Variants in TUSC3 observed in about 807,000 individuals in gnomAD.
The protein encoded by TUSC3 is dolichyl-diphosphooligosaccharide--protein glycosyltransferase subunit TUSC3.
A neutral mutation model predicts 44.8 loss-of-function variants in TUSC3; 45 were observed. The observed-to-expected ratio is 1.00, with a 90% confidence interval of 0.79 to 1.29. The LOEUF (loss-of-function observed/expected upper bound fraction) is 1.29. TUSC3 is among the 50% of genes most tolerant of loss of function. TUSC3 has a pLI of 0.00. For synonymous variants in TUSC3, 212 were observed against 152.9 expected, an observed-to-expected ratio of 1.39 and a Z score of -2.85; for missense variants, 519 against 437.9, an observed-to-expected ratio of 1.19 and a Z score of -1.65.
the TUSC3 span, among the ~76,000 whole-genome samples, chr8:15,792,281 G>C: frequency 6.6e-6 from 1 of 152,188 alleles, no homozygotes; most frequent in African/African-American, 2.4e-5. Context: ...GTTAGAAACA[G>C]GTAACATCAA....
At chr8:15,733,128 A>C (rs896854795) in intron 7 of TUSC3, among the ~76,000 whole-genome samples, 7 of 152,160 alleles carry the variant, frequency 4.6e-5, no homozygotes, top group Admixed American at 3.9e-4. Flanking sequence ...TGCACATCAG[A>C]GGTGCCTTCG....
intron 1 of TUSC3, among the ~76,000 whole-genome samples, chr8:15,573,331 C>T (rs2129144043): frequency 6.6e-6 from 1 of 150,940 alleles, no homozygotes; most frequent in East Asian, 2.0e-4. Context: ...AATCCACATC[C>T]AGGGTAATTA....
the TUSC3 span, among the ~76,000 whole-genome samples, chr8:15,780,740 G>T: frequency 6.6e-6 from 1 of 152,132 alleles, no homozygotes; most frequent in Non-Finnish European, 1.5e-5. Flanking sequence ...CCTCCTGGAA[G>T]AAGTTTGTGT....
the TUSC3 span, among the ~76,000 whole-genome samples, chr8:15,808,844 C>CCTA: frequency 7.0e-6 from 1 of 143,604 alleles, no homozygotes; most frequent in Non-Finnish European, 1.5e-5. Context: ...AGCTCCTCAA[C>CCTA]CTACACAGGT....
chr8:15,512,766 C>G (rs939856833), intron 2 of TUSC3, among the ~76,000 whole-genome samples: 9 of 77,874 alleles, frequency 1.2e-4, no homozygotes, highest in African/African-American at 2.7e-4. Context: ...GAACAAGACT[C>G]TGTTTCAGTC....
intron 6 of TUSC3, among the ~76,000 whole-genome samples, chr8:15,723,624 G>C (rs1810389808): frequency 6.6e-6 from 1 of 151,972 alleles, no homozygotes; most frequent in South Asian, 2.1e-4. Flanking sequence ...AAGAACTAAT[G>C]CTGCCTCAAA....
the TUSC3 span, chr8:15,806,498 A>T: frequency 9.4e-7 from 1 of 1,064,622 alleles, no homozygotes. Flanking sequence ...TTCATTGTAA[A>T]CTTTCTCAGG....
At chr8:15,635,122 T>A (rs543673773) in intron 2 of TUSC3, among the ~76,000 whole-genome samples, 22 of 152,162 alleles carry the variant, frequency 1.4e-4, no homozygotes, top group African/African-American at 5.3e-4. Context: ...TTCCTCAAGG[T>A]AACTGTCAAG....
intron 1 of TUSC3, among the ~76,000 whole-genome samples, chr8:15,454,899 A>G (rs1363610264): frequency 4.5e-5 from 6 of 131,934 alleles, no homozygotes; most frequent in Admixed American, 1.5e-4. Flanking sequence ...CACGTAAAGT[A>G]TATCAGTTTA....
chr8:15,593,177 C>T (rs974384204), intron 1 of TUSC3, among the ~76,000 whole-genome samples: 5 of 152,122 alleles, frequency 3.3e-5, no homozygotes, highest in African/African-American at 9.7e-5. Context: ...CCTCCGCCTT[C>T]TGGGTTCAAG....
At chr8:15,612,220 A>T (rs1020624742) in intron 1 of TUSC3, among the ~76,000 whole-genome samples, 22 of 152,142 alleles carry the variant, frequency 1.4e-4, no homozygotes, top group African/African-American at 5.3e-4. Flanking sequence ...TGTATATGTG[A>T]CTGGTAAACA....
intron 2 of TUSC3, among the ~76,000 whole-genome samples, chr8:15,529,210 T>C (rs951301840): frequency 6.6e-6 from 1 of 152,202 alleles, no homozygotes; most frequent in Non-Finnish European, 1.5e-5. Flanking sequence ...CATAATTCCA[T>C]TTAGTAAATC....
chr8:15,596,633 T>C (rs1804080729), intron 1 of TUSC3, among the ~76,000 whole-genome samples: 2 of 152,198 alleles, frequency 1.3e-5, no homozygotes, highest in African/African-American at 4.8e-5. Flanking sequence ...ATTATGTTAA[T>C]GTCTTCGTAT....
intron 2 of TUSC3, among the ~76,000 whole-genome samples, chr8:15,631,032 C>T (rs1471662565): frequency 2.0e-5 from 3 of 152,100 alleles, no homozygotes; most frequent in Non-Finnish European, 4.4e-5. Flanking sequence ...TTCTTCATAG[C>T]CCTTAATTTT....
chr8:15,556,622 A>T (rs1778983256), intron 1 of TUSC3, among the ~76,000 whole-genome samples: 1 of 146,394 alleles, frequency 6.8e-6, no homozygotes, highest in African/African-American at 2.5e-5. Flanking sequence ...TCCCACCAAC[A>T]GTGTAAAAGT....
At chr8:15,802,093 G>A in the TUSC3 span, among the ~76,000 whole-genome samples, 11 of 152,178 alleles carry the variant, frequency 7.2e-5, no homozygotes, top group Non-Finnish European at 1.3e-4. Flanking sequence ...CTCTTGTTCC[G>A]TTCATGCGCC....
chr8:15,742,232 G>GAGGATTGATGTTGTGCAGGGGTGGC (rs1554485611), intron 7 of TUSC3, among the ~76,000 whole-genome samples: 5 of 151,730 alleles, frequency 3.3e-5, no homozygotes, highest in African/African-American at 9.7e-5. Flanking sequence ...TGTATGGTGG[G>GAGGATTGATGTTGTGCAGGGGTGGC]AGGGGCTTTT....
intron 1 of TUSC3, among the ~76,000 whole-genome samples, chr8:15,613,639 C>G (rs745561322): frequency 6.6e-6 from 1 of 152,140 alleles, no homozygotes; most frequent in Non-Finnish European, 1.5e-5. Context: ...TCCATTGAAC[C>G]TCTTTCCTTT....
chr8:15,662,315 C>T lies in TUSC3; in HGVS notation c.708+19C>T, dbSNP rs756120983. 13 of 1,611,814 alleles carry T rather than the reference C, an allele frequency of 8.1e-6. No individual in the cohort carries two copies. Among genetic ancestry groups the T allele is most frequent in the Admixed American group, 6.7e-5 (4 of 59,852 alleles). On this transcript the variant is annotated intron_variant, in intron 5 of 10. Transcript: ENST00000503731. Reference sequence around the variant, plus strand: ...GTCTCTGGTATGTTAATACATTGTGCTTTTTTTATTTCCTGTTCTTTGTGT... The same window carrying T: ...GTCTCTGGTATGTTAATACATTGTGTTTTTTTTATTTCCTGTTCTTTGTGT...
Sources: allele counts gnomAD v4.1 joint callset (sites outside exome capture counted in the v4.1 genomes callset), GRCh38; gene constraint gnomAD v4.1.1; transcripts MANE v1.5; gene names NCBI Gene and HGNC (gene_info 2026-07-23, HGNC 2026-07-21).